CABIN1: variants seen among roughly 807,000 people sequenced by gnomAD.
CABIN1 encodes calcineurin binding protein 1.
Under a neutral mutation model 227.7 loss-of-function variants are expected in CABIN1, and 133 were observed. That is an observed-to-expected ratio of 0.58 (90% CI 0.51 to 0.67). CABIN1 has a LOEUF of 0.67. CABIN1 is among the 30% of genes least tolerant of loss of function. The pLI, the probability that CABIN1 is intolerant of heterozygous loss-of-function variation, is 0.00. For missense variants in CABIN1, 2,408 were observed against 2,852.5 expected (o/e 0.84, Z 3.55); for synonymous variants, 1,086 against 1,155.1 (o/e 0.94, Z 1.21).
intron 34 of CABIN1, among the ~76,000 whole-genome samples, chr22:24,175,595 C>T (rs1002089256): frequency 5.9e-5 from 9 of 152,246 alleles, no homozygotes; most frequent in African/African-American, 9.6e-5. Context: ...AGGCCCATCC[C>T]GGCCTTGGCC....
chr22:24,051,018 G>T, intron 8 of CABIN1, 44 bp downstream of exon 8: 1 of 1,612,676 alleles, frequency 6.2e-7, no homozygotes, highest in African/African-American at 1.3e-5. Context: ...CGGCCAGTAG[G>T]CCCTGTTGTG....
Position 24,062,031 on chromosome 22 carries a change from A to G in CABIN1, c.1696+6A>G, listed in dbSNP as rs1601850846. On this transcript the variant is annotated splice_donor_region_variant and intron_variant, in intron 13 of 36. Coordinates refer to ENST00000263119, the MANE Select transcript of CABIN1 (RefSeq NM_012295.4). ...CAAAGGCAGAAGCTCTGCAGGTAGG[A>G]GGCATTATGTGTTCTGTGGCCAGGC... The G allele has an allele frequency of 1.2e-6, 2 of 1,611,668 alleles. No individual in the cohort carries two copies. The highest frequency in any genetic ancestry group is 1.7e-4 in the Middle Eastern group (1 of 6,060).
chr22:24,130,342 G>T (rs1360891969), intron 28 of CABIN1, among the ~76,000 whole-genome samples: 1 of 152,192 alleles, frequency 6.6e-6, no homozygotes, highest in Admixed American at 6.5e-5. Context: ...GGATAGGTCA[G>T]GGGGCAGGGG....
chr22:24,035,575 C>T, intron 2 of CABIN1, 55 bp downstream of exon 2: 1 of 1,607,800 alleles, frequency 6.2e-7, no homozygotes, highest in Non-Finnish European at 8.5e-7. Flanking sequence ...TGTTACGTTA[C>T]TCCTGGGGGC....
chr22:24,121,770 C>A (rs957124960), intron 28 of CABIN1, among the ~76,000 whole-genome samples: 1 of 152,228 alleles, frequency 6.6e-6, no homozygotes, highest in Non-Finnish European at 1.5e-5. Flanking sequence ...CACTAGTAAC[C>A]ATTGTCCTGT....
intron 6 of CABIN1, among the ~76,000 whole-genome samples, chr22:24,044,663 A>G (rs1051956590): frequency 1.3e-5 from 2 of 152,220 alleles, no homozygotes; most frequent in African/African-American, 2.4e-5. Flanking sequence ...AAAATAGCCA[A>G]TTTTATTGCT....
chr22:24,098,294 T>A, intron 26 of CABIN1, 102 bp downstream of exon 26: 5 of 1,250,948 alleles, frequency 4.0e-6, no homozygotes, highest in Non-Finnish European at 5.7e-6. Context: ...TGAGGGGGGG[T>A]GCTGGGTCTG....
In CABIN1 at chr22:24,050,974, C is replaced by G. The variant is rs192766862; in HGVS notation, c.806C>G (p.Thr269Ser). The change falls in exon 8 of 37, where the codon ACC becomes AGC. Residue 269 changes from threonine to serine, a missense_variant and splice_region_variant. Transcript: ENST00000263119. ...CTTGTGCAGCCCATTCCTTTCTTCA[C>G]GTAGGTTGTCTAGCGTCTCTGGGAG... is the stretch of plus-strand genomic sequence containing the variant. ...LKLVQPIPFF[T>S]WKCLGESLLA... is the part of the protein sequence containing the mutation. The G allele has an allele frequency of 2.5e-6, 4 of 1,614,134 alleles. No homozygotes were observed. The highest frequency in any genetic ancestry group is 1.7e-4 in the Middle Eastern group (1 of 6,028).
chr22:24,032,381 A>T (rs1378007756), intron 1 of CABIN1, among the ~76,000 whole-genome samples: 1 of 152,174 alleles, frequency 6.6e-6, no homozygotes, highest in Non-Finnish European at 1.5e-5. Context: ...TTGTTCATTC[A>T]TCTGTTGTTG....
intron 4 of CABIN1, among the ~76,000 whole-genome samples, chr22:24,040,598 G>T (rs1382979899): frequency 1.3e-5 from 2 of 152,164 alleles, no homozygotes; most frequent in African/African-American, 4.8e-5. Flanking sequence ...TTTAACTTTT[G>T]CTATTTAGGG....
chr22:24,114,119 A>T (rs1006001164), intron 27 of CABIN1, among the ~76,000 whole-genome samples: 1 of 152,098 alleles, frequency 6.6e-6, no homozygotes, highest in African/African-American at 2.4e-5. Flanking sequence ...AAGTCTTTGG[A>T]TCCTAAATGT....
chr22:24,136,349 T>G (rs12171256), intron 29 of CABIN1, among the ~76,000 whole-genome samples: 10,774 of 128,402 alleles, frequency 0.084, 500 homozygotes, highest in East Asian at 0.29. Flanking sequence ...CATCCCTCCT[T>G]TTTTTTTTTT....
chr22:24,134,208 C>A, intron 28 of CABIN1, 94 bp from the exon 29 acceptor site: 1 of 815,116 alleles, frequency 1.2e-6, no homozygotes, highest in Non-Finnish European at 2.1e-6. Context: ...TCGTGGTTTG[C>A]CATGCAGCCA....
Position 24,035,462 on chromosome 22 carries a change from C to G in CABIN1, c.-56C>G. On this transcript the variant is annotated 5_prime_UTR_variant, in exon 2 of 37. Coordinates refer to ENST00000263119, the MANE Select transcript of CABIN1 (RefSeq NM_012295.4). The stretch of plus-strand genomic sequence containing the variant: ...TTTCTAGGAGAGTTGTGGACTGGGG[C>G]AACCTTTGCCAGTGATGAGAAGTGA... 1 of 1,613,236 alleles carries G rather than the reference C, an allele frequency of 6.2e-7. No homozygotes were observed.
intron 1 of CABIN1, among the ~76,000 whole-genome samples, chr22:24,013,887 G>C (rs1022324478): frequency 2.0e-5 from 3 of 152,086 alleles, no homozygotes; most frequent in Admixed American, 1.3e-4. Context: ...CTAATGATTG[G>C]GGTGAGATTA....
At chr22:24,141,050 A>G (rs936005280) in intron 29 of CABIN1, among the ~76,000 whole-genome samples, 1 of 152,140 alleles carries the variant, frequency 6.6e-6, no homozygotes, top group African/African-American at 2.4e-5. Context: ...ATGCCACACA[A>G]ATCACCCTTA....
Position 24,054,996 on chromosome 22 carries a change from T to TG in CABIN1, c.931dup (p.Glu311GlyfsTer10). On this transcript the variant is annotated frameshift_variant, in exon 9 of 37. Coordinates refer to ENST00000263119, the MANE Select transcript of CABIN1 (RefSeq NM_012295.4). LOFTEE classifies it high-confidence loss of function. The stretch of plus-strand genomic sequence containing the variant: ...ACTACCAGGACCCCAGCCAGCCTCT[T>TG]GAGTCCTCCATGGTGGTGACGCCAG... 1 of 1,614,010 alleles carries TG rather than the reference T, an allele frequency of 6.2e-7. No individual in the cohort carries two copies. Among genetic ancestry groups the TG allele is most frequent in the Non-Finnish European group, 8.5e-7 (1 of 1,179,832 alleles).
At chr22:24,156,452 C>T (rs2045819668) in intron 29 of CABIN1, 1 of 200,892 alleles carries the variant, frequency 5.0e-6, no homozygotes. Flanking sequence ...TCCAGCCCTA[C>T]CAAGCCCCGG....
At chr22:24,086,588 C>T (rs984652963) in intron 22 of CABIN1, among the ~76,000 whole-genome samples, 8 of 152,248 alleles carry the variant, frequency 5.3e-5, no homozygotes, top group Non-Finnish European at 1.0e-4. Flanking sequence ...GTCTGCTCTT[C>T]TGTGCTAGCA....
Sources: allele counts gnomAD v4.1 joint callset (sites outside exome capture counted in the v4.1 genomes callset), GRCh38; gene constraint gnomAD v4.1.1; transcripts MANE v1.5; gene names NCBI Gene and HGNC (gene_info 2026-07-23, HGNC 2026-07-21).